PZP: variants seen among roughly 807,000 people sequenced by gnomAD.
The protein encoded by PZP is PZP alpha-2-macroglobulin like.
A neutral mutation model predicts 179.8 loss-of-function variants in PZP; 150 were observed. That is an observed-to-expected ratio of 0.83 (90% CI 0.73 to 0.96). The LOEUF is 0.96. PZP is among the 40% of genes least tolerant of loss of function. PZP has a pLI of 0.00. For synonymous variants in PZP, 624 were observed against 652.3 expected (o/e 0.96, Z 0.66); for missense variants, 1,689 against 1,764.0 (o/e 0.96, Z 0.76).
the PZP span, among the ~76,000 whole-genome samples, chr12:9,142,842 C>G: frequency 3.2e-3 from 487 of 152,236 alleles, 4 homozygotes; most frequent in African/African-American, 0.011. Context: ...GGTTCCACAA[C>G]GAAAACAAAG....
rs1257576447 is a variant in PZP, at chr12:9,200,408, T to A, written c.711A>T (p.Ile237=). 6.2e-7 allele frequency: 1 copy of A among 1,611,646 alleles called. No homozygotes were observed. The change falls in exon 7 of 36, where the codon ATA becomes ATT. Residue 237 remains isoleucine, a synonymous_variant. Transcript: ENST00000261336. ...TCACTTTTTCATCCATGATACTGAT[T>A]ATCTTTGGCACCTGAACTTTGACCT... ...KFEVKVQVPK[I]ISIMDEKVNI... is the part of the protein sequence containing the mutation.
intron 17 of PZP, 150 bp from the exon 18 acceptor site, chr12:9,166,352 T>A (rs1941585542): frequency 1.4e-6 from 1 of 707,006 alleles, no homozygotes; most frequent in Admixed American, 3.3e-5. Context: ...AAATACTTTG[T>A]GATCCCTCAT....
At chr12:9,152,494 C>T (rs1392088601) in intron 31 of PZP, among the ~76,000 whole-genome samples, 184 bp from the exon 32 acceptor site, 1 of 152,150 alleles carries the variant, frequency 6.6e-6, no homozygotes, top group African/African-American at 2.4e-5. Context: ...TCAGATCTAC[C>T]ACTTGCTAAA....
chr12:9,163,649 A>G lies in PZP; in HGVS notation c.2736+19T>C, dbSNP rs749302542. Reference sequence around the variant, plus strand: ...TGTTGCATTCTTACAGTTGTTAGGGACTCCCAAAAATATGTTACCTCCACC... The same window carrying G: ...TGTTGCATTCTTACAGTTGTTAGGGGCTCCCAAAAATATGTTACCTCCACC... On this transcript the variant is annotated intron_variant, in intron 21 of 35. Coordinates refer to ENST00000261336, the MANE Select transcript of PZP (RefSeq NM_002864.3). 1.9e-6 allele frequency: 3 copies of G among 1,611,134 alleles called. No individual in the cohort carries two copies. In the Admixed American group the frequency reaches 5.0e-5, roughly 27 times the overall value.
intron 17 of PZP, 198 bp downstream of exon 17, chr12:9,168,670 TC>T: frequency 2.0e-6 from 1 of 500,100 alleles, no homozygotes; most frequent in South Asian, 3.7e-5. Flanking sequence ...CCCTGAAGTA[TC>T]GGATGTATCT....
chr12:9,180,971 C>T lies in PZP; in HGVS notation c.1839+12G>A. The T allele has an allele frequency of 6.2e-7, 1 of 1,610,084 alleles. No homozygotes were observed. Among genetic ancestry groups the T allele is most frequent in the South Asian group, 1.1e-5 (1 of 90,302 alleles). ...TGGCCCTTCCTGGTCCCCAAGGCCA[C>T]TGGAAACTCACTGAGGACACAGAGA... On this transcript the variant is annotated intron_variant, in intron 15 of 35. Transcript: ENST00000261336.
At chr12:9,185,650 A>T (rs774500984) in intron 13 of PZP, among the ~76,000 whole-genome samples, 1 of 57,974 alleles carries the variant, frequency 1.7e-5, no homozygotes, top group East Asian at 8.2e-4. Flanking sequence ...ACCAAGGTTG[A>T]AATGAATGAA....
At chr12:9,176,495 C>T (rs1477393016) in intron 15 of PZP, among the ~76,000 whole-genome samples, 3 of 152,178 alleles carry the variant, frequency 2.0e-5, no homozygotes, top group Non-Finnish European at 2.9e-5. Flanking sequence ...AAAACGCAGT[C>T]CATATTCAAA....
chr12:9,186,745 A>T (rs1013657806), intron 13 of PZP, among the ~76,000 whole-genome samples: 2 of 151,872 alleles, frequency 1.3e-5, no homozygotes, highest in Non-Finnish European at 2.9e-5. Flanking sequence ...GCAAACTAAC[A>T]CAAGAACAGA....
chr12:9,169,326 G>T, intron 16 of PZP, 104 bp downstream of exon 16: 2 of 1,125,956 alleles, frequency 1.8e-6, no homozygotes, highest in South Asian at 3.7e-5. Flanking sequence ...CTGAAAAATG[G>T]AGAGGCAAGG....
At position 9,157,758 on chromosome 12, in the gene PZP, G is replaced by T. The variant is rs193099336; in HGVS notation, c.3369+9C>A. 2.2e-5 allele frequency: 35 copies of T among 1,611,110 alleles called. No homozygotes were observed. In the East Asian group the frequency reaches 2.7e-4, roughly 12 times the overall value. On this transcript the variant is annotated intron_variant, in intron 27 of 35. Transcript: ENST00000261336. ...TCATGGTAGGGAATGGGATTGAGCT[G>T]GTACCTACAGTGACTGGGAGAGGAA...
intron 18 of PZP, 89 bp from the exon 19 acceptor site, chr12:9,165,456 A>G (rs1941517905): frequency 3.5e-6 from 5 of 1,428,434 alleles, no homozygotes; most frequent in Admixed American, 3.7e-5. Context: ...GCTAACGTCA[A>G]GAACTGAATC....
chr12:9,165,481 T>C (rs1372291772), intron 18 of PZP, 114 bp from the exon 19 acceptor site: 1 of 1,184,566 alleles, frequency 8.4e-7, no homozygotes, highest in East Asian at 2.5e-5. Context: ...TAAGGGTATA[T>C]GCGAGTGTGC....
chr12:9,203,659 T>C, intron 2 of PZP, 109 bp downstream of exon 2: 2 of 1,349,200 alleles, frequency 1.5e-6, no homozygotes, highest in Non-Finnish European at 2.1e-6. Flanking sequence ...CCTAACTACA[T>C]TCTTAAAGTC....
At chr12:9,163,823 A>C in intron 20 of PZP, 34 bp from the exon 21 acceptor site, 1 of 1,600,812 alleles carries the variant, frequency 6.2e-7, no homozygotes, top group Non-Finnish European at 8.5e-7. Context: ...ATGAGTATCC[A>C]CTTTGATAGT....
chr12:9,197,679 C>A lies in PZP; in HGVS notation c.756-556G>T, dbSNP rs1464063348. On this transcript the variant is annotated intron_variant, in intron 7 of 35. Transcript: ENST00000261336. ...ATATAAAATTATTATATATATTATA[C>A]AATACATAATATATATAATTATATA... Among the ~76,000 whole-genome samples the A allele has an allele frequency of 8.0e-5, 7 of 87,026 alleles. 1 individual carries two copies. The Admixed American group carries it at 1.3e-3, about 16-fold the overall frequency. The allele number at this position is 87,026 out of a possible 152,430, so 57.1% of individuals were successfully genotyped here. A position where few individuals can be genotyped will look rare whatever the true frequency, so the allele number is the denominator to read the frequency against.
In PZP at chr12:9,152,146, T is replaced by G; in HGVS notation, c.4212+74A>C. 3 of 1,082,328 alleles carry G rather than the reference T, an allele frequency of 2.8e-6. No individual in the cohort carries two copies. In the South Asian group the frequency reaches 3.8e-5, roughly 14 times the overall value. 67.0% of individuals were successfully genotyped at this position (1,082,328 alleles called of 1,614,324 possible). On this transcript the variant is annotated intron_variant, in intron 32 of 35. Coordinates refer to ENST00000261336, the MANE Select transcript of PZP (RefSeq NM_002864.3). ...CAGGATGATGTTGACATGGTTTTGA[T>G]ATTGGTATGGTCTTAGTTTGGGGAT...
intron 20 of PZP, 44 bp downstream of exon 20, chr12:9,164,089 C>T (rs1431806361): frequency 6.4e-7 from 1 of 1,569,304 alleles, no homozygotes; most frequent in Admixed American, 1.7e-5. Context: ...CAGACAGCCA[C>T]CGTCCTTGTT....
chr12:9,185,321 G>A (rs1238073049), intron 13 of PZP, among the ~76,000 whole-genome samples: 1 of 152,094 alleles, frequency 6.6e-6, no homozygotes, highest in South Asian at 2.1e-4. Flanking sequence ...CCAAGCTGAG[G>A]AAAGAATCTC....
Sources: gnomAD v4.1 joint callset for allele counts (sites outside exome capture counted in the v4.1 genomes callset) on GRCh38, gnomAD v4.1.1 for gene constraint, MANE v1.5 for transcripts, NCBI Gene and HGNC (gene_info 2026-07-23, HGNC 2026-07-21) for gene names.